Variants in TRIM67 observed in about 807,000 individuals in gnomAD.
TRIM67 encodes tripartite motif containing 67.
Under a neutral mutation model 71.0 loss-of-function variants are expected in TRIM67, and 39 were observed. The observed-to-expected ratio is 0.55, with a 90% confidence interval of 0.43 to 0.72. The LOEUF is 0.72. Ranked by LOEUF, TRIM67 falls within the 30% of genes least tolerant of loss-of-function variation. The pLI, the probability that TRIM67 is intolerant of heterozygous loss-of-function variation, is 0.00. For synonymous variants in TRIM67, 481 were observed against 473.9 expected, an observed-to-expected ratio of 1.01 and a Z score of -0.19; for missense variants, 973 against 1,079.2, an observed-to-expected ratio of 0.90 and a Z score of 1.38.
At position 231,198,676 on chromosome 1, in the gene TRIM67, G is replaced by A. The variant is rs749368430; in HGVS notation, c.1141-371G>A. Among the ~76,000 whole-genome samples, 12 of 152,120 alleles carry A rather than the reference G, an allele frequency of 7.9e-5. No individual in the cohort carries two copies. The South Asian group carries it at 8.3e-4, about 11-fold the overall frequency. On this transcript the variant is annotated intron_variant, in intron 2 of 9. Coordinates refer to ENST00000366653, the MANE Select transcript of TRIM67 (RefSeq NM_001004342.5). ...GCTGGGATTATAGGCATGAGCTGCCGCGCCGGGCCTGTTCTATTACTTTAA... is the reference window on the plus strand; with the variant it reads ...GCTGGGATTATAGGCATGAGCTGCCACGCCGGGCCTGTTCTATTACTTTAA...
chr1:231,211,226 G>C (rs1399398695), intron 8 of TRIM67, among the ~76,000 whole-genome samples: 1 of 152,006 alleles, frequency 6.6e-6, no homozygotes, highest in East Asian at 1.9e-4. Flanking sequence ...CCCCTCCCAA[G>C]GGCTGCGGAG....
chr1:231,174,739 C>T (rs1422599656), intron 1 of TRIM67, among the ~76,000 whole-genome samples: 1 of 152,170 alleles, frequency 6.6e-6, no homozygotes, highest in African/African-American at 2.4e-5. Flanking sequence ...CATTTCCCTT[C>T]CCTCAGCTAC....
intron 1 of TRIM67, among the ~76,000 whole-genome samples, chr1:231,180,428 T>G (rs12048739): frequency 0.1 from 15,661 of 152,138 alleles, 1,053 homozygotes; most frequent in East Asian, 0.3. Flanking sequence ...TCGGTAAACA[T>G]ATGAAGCCAG....
At chr1:231,213,235 G>A (rs1451371807) in intron 8 of TRIM67, among the ~76,000 whole-genome samples, 5 of 152,108 alleles carry the variant, frequency 3.3e-5, no homozygotes, top group South Asian at 4.2e-4. Flanking sequence ...ATCAAAACCC[G>A]AATTTTCTAG....
chr1:231,178,345 A>G (rs1444958166), intron 1 of TRIM67, among the ~76,000 whole-genome samples: 1 of 152,226 alleles, frequency 6.6e-6, no homozygotes, highest in East Asian at 1.9e-4. Context: ...CAACAATCCT[A>G]AAACTCCTCC....
In TRIM67 at chr1:231,217,448, C is replaced by T. The variant is rs1180327386; in HGVS notation, c.*2008C>T. On this transcript the variant is annotated 3_prime_UTR_variant, in exon 10 of 10. Transcript: ENST00000366653. ...TCTGCCTCTGTCTCCCATATCCCTG[C>T]AGCTTCATCCTTAGCCATAGCTCTG... The T allele has an allele frequency of 1.2e-5, 12 of 992,156 alleles. No individual in the cohort carries two copies. The highest frequency in any genetic ancestry group is 1.4e-5 in the Non-Finnish European group (12 of 834,204). The allele number at this position is 992,156 out of a possible 1,614,324, so 61.5% of individuals were successfully genotyped here.
chr1:231,215,921 A>G lies in TRIM67; in HGVS notation c.*481A>G. The G allele has an allele frequency of 1.0e-6, 1 of 989,120 alleles. No homozygotes were observed. Among genetic ancestry groups the G allele is most frequent in the Non-Finnish European group, 1.2e-6 (1 of 832,450 alleles). 61.3% of individuals were successfully genotyped at this position (989,120 alleles called of 1,614,324 possible). On this transcript the variant is annotated 3_prime_UTR_variant, in exon 10 of 10. Coordinates refer to ENST00000366653, the MANE Select transcript of TRIM67 (RefSeq NM_001004342.5). Reference sequence around the variant, plus strand: ...CAGAGTCCCGAGATTGCAGATTCTCATCATGCTGAGAAAGTTATCTTTTAG... The same window carrying G: ...CAGAGTCCCGAGATTGCAGATTCTCGTCATGCTGAGAAAGTTATCTTTTAG...
Position 231,176,456 on chromosome 1 carries a change from A to G in TRIM67, c.1044+12443A>G, listed in dbSNP as rs113191097. 3.3e-3 allele frequency among the ~76,000 whole-genome samples: 496 copies of G among 152,316 alleles called. 5 individuals are homozygous for G. Among genetic ancestry groups the G allele is most frequent in the African/African-American group, 0.011 (467 of 41,568 alleles). On this transcript the variant is annotated intron_variant, in intron 1 of 9. Transcript: ENST00000366653. Reference sequence around the variant, plus strand: ...GATGATGCTTGAGCTGGGGTCACGGATGGTGAGTAGGTTCATTATTCAGGA... The same window carrying G: ...GATGATGCTTGAGCTGGGGTCACGGGTGGTGAGTAGGTTCATTATTCAGGA...
At position 231,162,831 on chromosome 1, in the gene TRIM67, G is replaced by T. The variant is rs1457549657; in HGVS notation, c.-139G>T. Reference sequence around the variant, plus strand: ...GGACAGAGAGAGGGGCGTGCCCCTCGGCTGTGAAGTGGGCATGCCCGTGTG... The same window carrying T: ...GGACAGAGAGAGGGGCGTGCCCCTCTGCTGTGAAGTGGGCATGCCCGTGTG... On this transcript the variant is annotated 5_prime_UTR_variant, in exon 1 of 10. Transcript: ENST00000366653. 2 of 1,116,492 alleles carry T rather than the reference G, an allele frequency of 1.8e-6. No homozygotes were observed. The highest frequency in any genetic ancestry group is 1.6e-5 in the South Asian group (1 of 63,690). 69.2% of individuals were successfully genotyped at this position (1,116,492 alleles called of 1,614,324 possible).
chr1:231,190,442 G>C (rs1292606369), intron 1 of TRIM67, among the ~76,000 whole-genome samples: 1 of 152,156 alleles, frequency 6.6e-6, no homozygotes, highest in Non-Finnish European at 1.5e-5. Context: ...TCTCCCCCCA[G>C]CTCTGGGCCA....
At chr1:231,180,505 C>G (rs375372615) in intron 1 of TRIM67, among the ~76,000 whole-genome samples, 1 of 152,110 alleles carries the variant, frequency 6.6e-6, no homozygotes, top group Non-Finnish European at 1.5e-5. Context: ...CTCTCCTGCA[C>G]CCCCCTTCAG....
rs952101147 is a variant in TRIM67, at chr1:231,217,158, C to T, written c.*1718C>T. On this transcript the variant is annotated 3_prime_UTR_variant, in exon 10 of 10. Transcript: ENST00000366653. ...ACAATCCTACCTCAAAGCTCATGCT[C>T]TTGGTCTGCAAGGCTGCTTGGTCCG... 9 of 985,894 alleles carry T rather than the reference C, an allele frequency of 9.1e-6. No individual in the cohort carries two copies. Among genetic ancestry groups the T allele is most frequent in the Middle Eastern group, 5.2e-4 (1 of 1,936 alleles). 61.1% of individuals were successfully genotyped at this position (985,894 alleles called of 1,614,324 possible). A position where few individuals can be genotyped will look rare whatever the true frequency, so the allele number is the denominator to read the frequency against.
Position 231,218,587 on chromosome 1 carries a change from T to C in TRIM67, c.*3147T>C, listed in dbSNP as rs1226325471. ...GGAAGGTATTTCCCCAAAGCCTGCT[T>C]TTCCTCTCTCTGTTCTCCTTGGGAA... On this transcript the variant is annotated 3_prime_UTR_variant, in exon 10 of 10. Coordinates refer to ENST00000366653, the MANE Select transcript of TRIM67 (RefSeq NM_001004342.5). 1.0e-6 allele frequency: 1 copy of C among 985,370 alleles called. No individual in the cohort carries two copies. The highest frequency in any genetic ancestry group is 1.1e-4 in the East Asian group (1 of 8,828). 61.0% of individuals were successfully genotyped at this position (985,370 alleles called of 1,614,324 possible).
intron 1 of TRIM67, chr1:231,185,248 G>C (rs1432940213): frequency 3.9e-6 from 6 of 1,530,902 alleles, no homozygotes; most frequent in Non-Finnish European, 5.2e-6. Context: ...TGTGAGAAAG[G>C]AGTCTCCCCT....
chr1:231,184,751 C>T (rs567213564), intron 1 of TRIM67: 17 of 508,670 alleles, frequency 3.3e-5, no homozygotes, highest in Middle Eastern at 5.3e-4. Flanking sequence ...CTCATTCTAC[C>T]GAGAACCACC....
rs1023722575 is a variant in TRIM67, at chr1:231,162,111, G to A, written c.-859G>A. 2 of 152,090 alleles carry A rather than the reference G, an allele frequency of 1.3e-5. No individual in the cohort carries two copies. The highest frequency in any genetic ancestry group is 1.9e-4 in the East Asian group (1 of 5,164). The allele number at this position is 152,090 out of a possible 1,614,324, so 9.4% of individuals were successfully genotyped here. On this transcript the variant is annotated 5_prime_UTR_variant, in exon 1 of 10. Transcript: ENST00000366653. Reference sequence around the variant, plus strand: ...GCAGCGGCAGCGGCGGGAGGGAGGCGGGGAGGGGATTCCCGAGCCAGCCGG... The same window carrying A: ...GCAGCGGCAGCGGCGGGAGGGAGGCAGGGAGGGGATTCCCGAGCCAGCCGG...
chr1:231,213,517 A>G (rs1683928210), intron 8 of TRIM67, among the ~76,000 whole-genome samples: 1 of 152,170 alleles, frequency 6.6e-6, no homozygotes. Flanking sequence ...GCTTGAGCCT[A>G]GGAGTTCAAG....
At chr1:231,213,534 C>T (rs887106650) in intron 8 of TRIM67, among the ~76,000 whole-genome samples, 1 of 152,162 alleles carries the variant, frequency 6.6e-6, no homozygotes, top group Non-Finnish European at 1.5e-5. Context: ...CAAGACCAGC[C>T]TGGGTAACAT....
At chr1:231,203,759 C>A (rs1169046365) in intron 5 of TRIM67, 108 bp from the exon 6 acceptor site, 2 of 1,413,416 alleles carry the variant, frequency 1.4e-6, no homozygotes, top group Non-Finnish European at 9.5e-7. Context: ...GGGAATTTAG[C>A]CTGGCTGTCC....
Sources: allele counts gnomAD v4.1 joint callset (sites outside exome capture counted in the v4.1 genomes callset), GRCh38; gene constraint gnomAD v4.1.1; transcripts MANE v1.5; gene names NCBI Gene and HGNC (gene_info 2026-07-23, HGNC 2026-07-21).